The following CORO7 variants were observed in gnomAD, a reference collection of about 807,000 sequenced individuals.
CORO7 encodes the protein coronin 7, also known as coronin-7.
In CORO7, 107 loss-of-function variants were observed where a neutral mutation model predicts 126.6. That is an observed-to-expected ratio of 0.85 (90% CI 0.72 to 0.99). The LOEUF (loss-of-function observed/expected upper bound fraction) is 0.99, where lower values mean the gene tolerates loss of function less well. CORO7 is among the 50% of genes least tolerant of loss of function. The pLI is 0.00. For missense variants in CORO7, 1,314 were observed against 1,255.8 expected (o/e 1.05, Z -0.70); for synonymous variants, 603 against 536.8 (o/e 1.12, Z -1.70).
At chr16:4,365,351 G>T (rs546047362) in intron 10 of CORO7, 140 bp downstream of exon 10, 1 of 1,307,134 alleles carries the variant, frequency 7.7e-7, no homozygotes, top group Non-Finnish European at 1.1e-6. Context: ...GAAGGCCAGT[G>T]TTCTAGGAGA....
intron 9 of CORO7, among the ~76,000 whole-genome samples, chr16:4,371,653 C>T (rs2054526329): frequency 6.6e-6 from 1 of 152,234 alleles, no homozygotes; most frequent in Admixed American, 6.5e-5. Flanking sequence ...GGCAAACCCA[C>T]GACGGGCAAG....
rs1567247645 is a variant in CORO7 at position 4,361,256 on chromosome 16, G to T, written c.1688-8C>A. ...TCCTGGCGTCCTCACCAGCTGCAGA[G>T]GACAGACAGGGGCTCATCATTGCTG... On this transcript the variant is annotated splice_polypyrimidine_tract_variant and splice_region_variant and intron_variant, in intron 17 of 27. Transcript: ENST00000251166. 6.2e-7 allele frequency: 1 copy of T among 1,612,506 alleles called. No homozygotes were observed. Among genetic ancestry groups the T allele is most frequent in the South Asian group, 1.1e-5 (1 of 91,058 alleles).
chr16:4,361,281 G>A (rs758970232), intron 17 of CORO7, 33 bp from the exon 18 acceptor site: 215 of 1,611,800 alleles, frequency 1.3e-4, no homozygotes, highest in Non-Finnish European at 1.8e-4. Context: ...CATCATTGCT[G>A]AGCCCAAGAC....
chr16:4,412,657 G>A (rs1393386227), intron 2 of CORO7: 3 of 546,454 alleles, frequency 5.5e-6, no homozygotes, highest in Non-Finnish European at 9.7e-6. Context: ...TTAGGCGAGA[G>A]GTCCTCTCTT....
At chr16:4,412,109 C>A (rs2056233736) in intron 3 of CORO7, among the ~76,000 whole-genome samples, 1 of 152,070 alleles carries the variant, frequency 6.6e-6, no homozygotes, top group African/African-American at 2.4e-5. Flanking sequence ...CTGGGGCGGC[C>A]ACTGCACACC....
intron 9 of CORO7, among the ~76,000 whole-genome samples, chr16:4,368,070 G>A (rs547353363): frequency 6.6e-6 from 1 of 152,244 alleles, no homozygotes; most frequent in African/African-American, 2.4e-5. Context: ...AAATTAGCGA[G>A]GTATGCTGGC....
Position 4,401,729 on chromosome 16 carries a change from C to T in CORO7, c.564+3762G>A, listed in dbSNP as rs1003774420. On this transcript the variant is annotated intron_variant, in intron 6 of 27. Transcript: ENST00000251166. ...GGGACAGCAGGAGACAGGCAGGACA[C>T]GAGCGACAGCAAGCGACAGAGGCTC... Among the ~76,000 whole-genome samples the T allele has an allele frequency of 1.1e-4, 16 of 152,130 alleles. 1 individual carries two copies. Among genetic ancestry groups the T allele is most frequent in the Admixed American group, 7.9e-4 (12 of 15,262 alleles).
At chr16:4,403,318 C>T (rs4785960) in intron 6 of CORO7, among the ~76,000 whole-genome samples, 2 of 151,976 alleles carry the variant, frequency 1.3e-5, no homozygotes, top group African/African-American at 4.8e-5. Flanking sequence ...GATGCCCCCA[C>T]CAGGACCCCG....
intron 7 of CORO7, among the ~76,000 whole-genome samples, chr16:4,390,577 TG>T (rs1262285264): frequency 2.6e-5 from 4 of 152,064 alleles, no homozygotes; most frequent in Non-Finnish European, 5.9e-5. Context: ...AGCCAGCAGG[TG>T]GGGACGAGGG....
intron 9 of CORO7, among the ~76,000 whole-genome samples, chr16:4,370,215 C>T (rs1216998671): frequency 1.3e-5 from 2 of 152,178 alleles, no homozygotes; most frequent in Non-Finnish European, 2.9e-5. Flanking sequence ...GGACACAGGG[C>T]CAAGGGAAGA....
intron 6 of CORO7, among the ~76,000 whole-genome samples, chr16:4,402,808 C>T (rs1182723757): frequency 6.6e-6 from 1 of 152,218 alleles, no homozygotes; most frequent in African/African-American, 2.4e-5. Context: ...AGGAGCGCAG[C>T]AGGCCGGAAT....
At chr16:4,356,885 C>G (rs2053993621) in intron 26 of CORO7, 2 of 495,662 alleles carry the variant, frequency 4.0e-6, no homozygotes, top group South Asian at 2.1e-5. Context: ...GCCTCAAGTG[C>G]TCAAAATATA....
In CORO7 at chr16:4,395,994, C is replaced by CAT. The variant is rs1349716931; in HGVS notation, c.565-656_565-655insAT. Among the ~76,000 whole-genome samples the CAT allele has an allele frequency of 2.2e-3, 93 of 42,224 alleles. 1 individual carries two copies. In the East Asian group the frequency reaches 0.066, roughly 30 times the overall value. The allele number at this position is 42,224 out of a possible 152,430, so 27.7% of individuals were successfully genotyped here. A position where few individuals can be genotyped will look rare whatever the true frequency, so the allele number is the denominator to read the frequency against. Reference sequence around the variant, plus strand: ...GGAACAATGTGTGTGTGCATGCACACGTTGTGTGTGTGTGTGTACACAAAC... The same window carrying CAT: ...GGAACAATGTGTGTGTGCATGCACACATGTTGTGTGTGTGTGTGTACACAAAC... On this transcript the variant is annotated intron_variant, in intron 6 of 27. Coordinates refer to ENST00000251166, the MANE Select transcript of CORO7 (RefSeq NM_024535.5).
At chr16:4,358,993 T>C in intron 23 of CORO7, 1 of 466,916 alleles carries the variant, frequency 2.1e-6, no homozygotes, top group Non-Finnish European at 3.8e-6. Context: ...CCCAGGCTGG[T>C]CTTGAACTCC....
At chr16:4,398,548 A>C (rs1012061559) in intron 6 of CORO7, among the ~76,000 whole-genome samples, 27 of 151,726 alleles carry the variant, frequency 1.8e-4, no homozygotes, top group Admixed American at 1.5e-3. Context: ...CACCTGTAAT[A>C]CCAGCTACTC....
At chr16:4,408,347 A>G in intron 3 of CORO7, 96 bp from the exon 4 acceptor site, 1 of 1,545,584 alleles carries the variant, frequency 6.5e-7, no homozygotes. Context: ...TTTTGTGTGC[A>G]CACAGAAACA....
intron 9 of CORO7, among the ~76,000 whole-genome samples, chr16:4,366,655 C>A (rs1446690380): frequency 6.6e-6 from 1 of 151,800 alleles, no homozygotes; most frequent in African/African-American, 2.4e-5. Context: ...AATCTTCCCA[C>A]TCAGCCTCCA....
intron 6 of CORO7, among the ~76,000 whole-genome samples, chr16:4,405,044 C>T (rs1266183483): frequency 6.6e-6 from 1 of 152,194 alleles, no homozygotes; most frequent in African/African-American, 2.4e-5. Flanking sequence ...GTCCAACCAG[C>T]TCAAAGCACC....
chr16:4,413,579 C>T lies in CORO7; in HGVS notation c.61-175G>A. 8.6e-6 allele frequency: 5 copies of T among 583,304 alleles called. No homozygotes were observed. In the South Asian group the frequency reaches 1.1e-4, roughly 13 times the overall value. The allele number at this position is 583,304 out of a possible 1,614,324, so 36.1% of individuals were successfully genotyped here. ...TTGAGACAGGGTCTCACTCTGTCAC[C>T]CAGGCTAGAGTGCAGTGGCGCGATC... is the stretch of plus-strand genomic sequence containing the variant. On this transcript the variant is annotated intron_variant, in intron 1 of 27. Coordinates refer to ENST00000251166, the MANE Select transcript of CORO7 (RefSeq NM_024535.5).
Sources: gnomAD v4.1 joint callset for allele counts (sites outside exome capture counted in the v4.1 genomes callset) on GRCh38, gnomAD v4.1.1 for gene constraint, MANE v1.5 for transcripts, NCBI Gene and HGNC (gene_info 2026-07-23, HGNC 2026-07-21) for gene names.